STARD9: variants seen among roughly 807,000 people sequenced by gnomAD.
The protein encoded by STARD9 is stAR-related lipid transfer protein 9.
In STARD9, 346 loss-of-function variants were observed where a neutral mutation model predicts 399.8. The ratio of observed to expected loss-of-function variants is 0.87; its 90% confidence interval spans 0.79 to 0.95. The LOEUF is 0.95. STARD9 is among the 40% of genes least tolerant of loss of function. The pLI, the probability that STARD9 is intolerant of heterozygous loss-of-function variation, is 0.00. For missense variants in STARD9, 5,832 were observed against 5,667.5 expected (o/e 1.03, Z -0.93); for synonymous variants, 2,203 against 2,143.5 (o/e 1.03, Z -0.77).
At position 42,684,335 on chromosome 15, in the gene STARD9, C is replaced by T. The variant is rs916455116; in HGVS notation, c.2757C>T (p.Asp919=). The T allele has an allele frequency of 1.2e-5, 18 of 1,536,252 alleles. No homozygotes were observed. The East Asian group carries it at 1.5e-4, about 13-fold the overall frequency. The change falls in exon 23 of 33, where the codon GAC becomes GAT. Residue 919 remains aspartate (D), a synonymous_variant. Coordinates refer to ENST00000290607, the MANE Select transcript of STARD9 (RefSeq NM_020759.3). The part of the protein sequence containing the change: ...ALARKGASAP[D]ACLTMSPNSV... ...CCAGGAAGGGAGCCTCAGCTCCAGACGCTTGCCTCACCATGAGTCCCAACT... is the reference window on the plus strand; with the variant it reads ...CCAGGAAGGGAGCCTCAGCTCCAGATGCTTGCCTCACCATGAGTCCCAACT...
At position 42,686,998 on chromosome 15, in the gene STARD9, C is replaced by G. The variant is rs561597650; in HGVS notation, c.5420C>G (p.Ser1807Cys). The G allele has an allele frequency of 1.6e-5, 24 of 1,536,848 alleles. No individual in the cohort carries two copies. Among genetic ancestry groups the G allele is most frequent in the Admixed American group, 5.9e-5 (3 of 50,964 alleles). Residue 1807 changes from serine to cysteine, a missense_variant, in exon 23 of 33, where the codon TCT becomes TGT. Ser to Cys is a moderately radical substitution (Grantham distance 112). Around this residue, in one of 2 missense-constraint regions of STARD9, gnomAD observed 5,828 missense variants for 5,651.1 expected, o/e 1.03. Coordinates refer to ENST00000290607, the MANE Select transcript of STARD9 (RefSeq NM_020759.3). ...CCAGTGCTGTTACAAAACCAGAATTCTAAGATTGCCTCATCTCAGCAGGTC... is the reference window on the plus strand; with the variant it reads ...CCAGTGCTGTTACAAAACCAGAATTGTAAGATTGCCTCATCTCAGCAGGTC... The part of the protein sequence containing the change: ...NLPVLLQNQN[S>C]KIASSQQVTA...
chr15:42,669,339 T>C lies in STARD9; in HGVS notation c.1497+2T>C. ...GGTGTTGTGCTCTATCATCTCAAGG[T>C]GAGGAGGCTAGTGTATCCTTTTCTT... On this transcript the variant is annotated splice_donor_variant, in intron 16 of 32. Transcript: ENST00000290607. LOFTEE classifies it high-confidence loss of function. 6.6e-7 allele frequency: 1 copy of C among 1,509,476 alleles called. No individual in the cohort carries two copies. The highest frequency in any genetic ancestry group is 8.9e-7 in the Non-Finnish European group (1 of 1,124,594). 93.5% of individuals were successfully genotyped at this position (1,509,476 alleles called of 1,614,324 possible).
intron 7 of STARD9, among the ~76,000 whole-genome samples, chr15:42,641,730 G>C (rs1250116906): frequency 6.6e-6 from 1 of 151,654 alleles, no homozygotes; most frequent in Admixed American, 6.6e-5. Flanking sequence ...TCAGCCTCTC[G>C]AGTAGCTGGG....
intron 26 of STARD9, among the ~76,000 whole-genome samples, chr15:42,716,032 T>C (rs148405956): frequency 5.9e-4 from 90 of 152,206 alleles, no homozygotes; most frequent in African/African-American, 1.4e-3. Flanking sequence ...TCCTTTATTG[T>C]GATCAGAGTA....
At chr15:42,599,371 G>T (rs897545516) in intron 3 of STARD9, among the ~76,000 whole-genome samples, 2 of 152,130 alleles carry the variant, frequency 1.3e-5, no homozygotes, top group Admixed American at 1.3e-4. Flanking sequence ...TTCTTTCTCA[G>T]ACTGTCCTAG....
intron 4 of STARD9, among the ~76,000 whole-genome samples, chr15:42,636,601 AC>A (rs2059421856): frequency 6.6e-6 from 1 of 151,906 alleles, no homozygotes; most frequent in African/African-American, 2.4e-5. Flanking sequence ...ATAAAAAGAG[AC>A]CCTGTCTCTA....
At chr15:42,604,561 A>T (rs923103961) in intron 3 of STARD9, among the ~76,000 whole-genome samples, 2 of 151,618 alleles carry the variant, frequency 1.3e-5, no homozygotes, top group African/African-American at 4.8e-5. Flanking sequence ...AGAGGGAGGA[A>T]GATTGTTTTT....
intron 3 of STARD9, among the ~76,000 whole-genome samples, chr15:42,614,182 G>A (rs1222694677): frequency 6.6e-6 from 1 of 151,652 alleles, no homozygotes; most frequent in Non-Finnish European, 1.5e-5. Context: ...GTGGTGGTGG[G>A]CGCCTGTACT....
Position 42,716,769 on chromosome 15 carries a change from G to A in STARD9, c.13372+5G>A. ...TGAGGAAGAACTCTGCCTACAGTGAGTTGCGGGGAGTGTTGGGCATAGCCA... is the reference window on the plus strand; with the variant it reads ...TGAGGAAGAACTCTGCCTACAGTGAATTGCGGGGAGTGTTGGGCATAGCCA... On this transcript the variant is annotated splice_donor_5th_base_variant and intron_variant, in intron 27 of 32. Transcript: ENST00000290607. The A allele has an allele frequency of 6.5e-7, 1 of 1,535,424 alleles. No individual in the cohort carries two copies. The highest frequency in any genetic ancestry group is 1.2e-5 in the South Asian group (1 of 84,016).
At position 42,718,782 on chromosome 15, in the gene STARD9, G is replaced by C; in HGVS notation, c.13873G>C (p.Val4625Leu). ...GHLSVMAAQSVYDTSMPRPSR... is the reference protein window; with the variant it reads ...GHLSVMAAQSLYDTSMPRPSR... The stretch of plus-strand genomic sequence containing the variant: ...CCTGTCTGTCATGGCAGCCCAGTCT[G>C]TGTATGATACATCCATGCCAAGACC... The change falls in exon 32 of 33, where the codon GTG becomes CTG. Residue 4625 changes from valine (V) to leucine (L), a missense_variant. Transcript: ENST00000290607. 2.0e-6 allele frequency: 3 copies of C among 1,537,268 alleles called. No homozygotes were observed. Among genetic ancestry groups the C allele is most frequent in the Admixed American group, 2.0e-5 (1 of 51,004 alleles).
chr15:42,602,530 A>G (rs1282613845), intron 3 of STARD9, among the ~76,000 whole-genome samples: 2 of 152,242 alleles, frequency 1.3e-5, no homozygotes, highest in Admixed American at 1.3e-4. Context: ...GACTCAAGGG[A>G]TCAGATACAG....
intron 4 of STARD9, among the ~76,000 whole-genome samples, chr15:42,635,599 G>T (rs1010671946): frequency 4.6e-5 from 7 of 152,094 alleles, no homozygotes; most frequent in Non-Finnish European, 8.8e-5. Flanking sequence ...AAAGTGCTGG[G>T]ATTACAGGCA....
intron 3 of STARD9, among the ~76,000 whole-genome samples, chr15:42,605,083 CAA>C (rs2058701610): frequency 6.6e-6 from 1 of 152,176 alleles, no homozygotes; most frequent in Admixed American, 6.6e-5. Flanking sequence ...AAAGACTTCT[CAA>C]AGCATCATAT....
In STARD9 at chr15:42,694,657, T is replaced by C; in HGVS notation, c.12894T>C (p.Asp4298=). The part of the protein sequence containing the change: ...LLPNKDLFIW[D]LDLPSRRREY... ...CCAACAAAGATCTCTTCATCTGGGATCTTGACTTGCCCAGCAGACGCCGAG... is the reference window on the plus strand; with the variant it reads ...CCAACAAAGATCTCTTCATCTGGGACCTTGACTTGCCCAGCAGACGCCGAG... Residue 4298 remains aspartate, a synonymous_variant, in exon 24 of 33, where the codon GAT becomes GAC. Coordinates refer to ENST00000290607, the MANE Select transcript of STARD9 (RefSeq NM_020759.3). 6.5e-7 allele frequency: 1 copy of C among 1,536,934 alleles called. No individual in the cohort carries two copies.
rs1469799478 is a variant in STARD9 at position 42,692,007 on chromosome 15, G to A, written c.10429G>A (p.Glu3477Lys). The A allele has an allele frequency of 1.3e-6, 2 of 1,537,114 alleles. No homozygotes were observed. Among genetic ancestry groups the A allele is most frequent in the Non-Finnish European group, 1.7e-6 (2 of 1,146,904 alleles). ...SPYALPWRPE[E>K]PARISWKQYM... ...CTATGCGCTGCCGTGGCGTCCGGAG[G>A]AGCCTGCACGTATCAGCTGGAAGCA... The change falls in exon 23 of 33, where the codon GAG (glutamate) becomes AAG (lysine). Residue 3477 changes from glutamate (E) to lysine (K), a missense_variant. Physicochemically the swap from Glu to Lys is moderately conservative, Grantham distance 56. Around this residue, in one of 2 missense-constraint regions of STARD9, gnomAD observed 5,828 missense variants for 5,651.1 expected, o/e 1.03. Transcript: ENST00000290607.
rs944535545 is a variant in STARD9, at chr15:42,719,461, C to A, written c.14002-12C>A. The A allele has an allele frequency of 6.6e-7, 1 of 1,519,510 alleles. No homozygotes were observed. The highest frequency in any genetic ancestry group is 8.8e-7 in the Non-Finnish European group (1 of 1,130,812). 94.1% of individuals were successfully genotyped at this position (1,519,510 alleles called of 1,614,324 possible). On this transcript the variant is annotated splice_polypyrimidine_tract_variant and intron_variant, in intron 32 of 32. Transcript: ENST00000290607. ...CTATTTGCACCTTAAATTCTTCTCT[C>A]TCTGCTTTCAGGTGGAACTTGGTGC...
intron 26 of STARD9, among the ~76,000 whole-genome samples, chr15:42,700,030 C>A (rs551993514): frequency 6.6e-6 from 1 of 152,158 alleles, no homozygotes; most frequent in Non-Finnish European, 1.5e-5. Flanking sequence ...AGTAAGATCA[C>A]GTGGTGGTTG....
intron 2 of STARD9, among the ~76,000 whole-genome samples, chr15:42,583,863 T>C (rs1442984223): frequency 2.6e-5 from 4 of 152,146 alleles, no homozygotes; most frequent in African/African-American, 4.8e-5. Flanking sequence ...CTTTTAGCTA[T>C]ACTGAGATCC....
intron 26 of STARD9, among the ~76,000 whole-genome samples, chr15:42,712,081 T>TAA (rs57090140): frequency 5.1e-5 from 2 of 39,154 alleles, no homozygotes; most frequent in South Asian, 9.0e-4. Flanking sequence ...TATATATATA[T>TAA]TATATATATA....
Sources: allele counts gnomAD v4.1 joint callset (sites outside exome capture counted in the v4.1 genomes callset), GRCh38; gene constraint gnomAD v4.1.1; regional missense constraint gnomAD v4.1.1; transcripts MANE v1.5; gene names NCBI Gene and HGNC (gene_info 2026-07-23, HGNC 2026-07-21).